Variants in ZNF469 observed in about 807,000 individuals in gnomAD.
ZNF469 encodes zinc finger protein 469.
A neutral mutation model predicts 1.0 loss-of-function variants in ZNF469; 1 was observed. The observed-to-expected ratio is 1.00, with a 90% CI of 0.35 to 4.73. The LOEUF is 4.73. Ranked by LOEUF, ZNF469 falls within the 30% of genes most tolerant of loss-of-function variation. ZNF469 has a pLI of 0.16. For synonymous variants in ZNF469, 2,703 were observed against 2,363.4 expected, an observed-to-expected ratio of 1.14 and a Z score of -4.17; for missense variants, 6,100 against 5,356.3, an observed-to-expected ratio of 1.14 and a Z score of -4.33.
At chr16:88,335,933 C>T in the ZNF469 span, among the ~76,000 whole-genome samples, 7 of 151,834 alleles carry the variant, frequency 4.6e-5, no homozygotes, top group African/African-American at 1.7e-4. Context: ...TCATCCTTCT[C>T]GTGAGACACT....
chr16:88,436,001 C>G lies in ZNF469; in HGVS notation c.8531C>G (p.Ser2844Cys), dbSNP rs1313569827. The change falls in exon 3 of 3, where the codon TCC becomes TGC. Residue 2844 changes from serine to cysteine, a missense_variant. By Grantham distance (112) the Ser-to-Cys change is moderately radical. Transcript: ENST00000565624. Reference sequence around the variant, plus strand: ...GGCCCCACTCCTGATGCCTCTGGCTCCAGTGCCAAGGATCCTCCAAGCTTG... The same window carrying G: ...GGCCCCACTCCTGATGCCTCTGGCTGCAGTGCCAAGGATCCTCCAAGCTTG... ...PEGPTPDASG[S>C]SAKDPPSLFD... The G allele has an allele frequency of 6.5e-7, 1 of 1,550,240 alleles. No homozygotes were observed. The highest frequency in any genetic ancestry group is 2.0e-5 in the Admixed American group (1 of 51,018).
chr16:88,107,735 A>G, the ZNF469 span, among the ~76,000 whole-genome samples: 12 of 152,346 alleles, frequency 7.9e-5, no homozygotes, highest in Admixed American at 2.0e-4. Context: ...GCGGAGGCAG[A>G]GATTACAGGG....
chr16:88,160,065 C>T, the ZNF469 span, among the ~76,000 whole-genome samples: 1 of 152,244 alleles, frequency 6.6e-6, no homozygotes, highest in East Asian at 1.9e-4. Flanking sequence ...GCTGGCTTTT[C>T]TCCTATCCCA....
the ZNF469 span, among the ~76,000 whole-genome samples, chr16:88,319,157 T>C: frequency 2.4e-4 from 36 of 152,226 alleles, no homozygotes; most frequent in African/African-American, 8.7e-4. Context: ...GGATTTGGGG[T>C]TCGGGCTCCT....
chr16:88,322,939 G>A, the ZNF469 span, among the ~76,000 whole-genome samples: 11 of 152,274 alleles, frequency 7.2e-5, no homozygotes, highest in East Asian at 1.7e-3. Context: ...GACAGCTCTC[G>A]GCTCCTCCTG....
intron 1 of ZNF469, among the ~76,000 whole-genome samples, chr16:88,394,764 T>A (rs1006037746): frequency 1.3e-5 from 2 of 152,202 alleles, no homozygotes; most frequent in African/African-American, 2.4e-5. Context: ...GCTCAGGGCC[T>A]CTCAGAGCGT....
the ZNF469 span, among the ~76,000 whole-genome samples, chr16:88,140,521 G>A: frequency 6.7e-6 from 1 of 148,180 alleles, no homozygotes; most frequent in South Asian, 2.1e-4. Context: ...GAACGTGAGA[G>A]ACGCGATGTT....
rs1323924882 is a variant in ZNF469 at position 88,430,758 on chromosome 16, G to C, written c.3288G>C (p.Ser1096=). 11 of 1,508,508 alleles carry C rather than the reference G, an allele frequency of 7.3e-6. No homozygotes were observed. In the South Asian group the frequency reaches 9.9e-5, roughly 14 times the overall value. The allele number at this position is 1,508,508 out of a possible 1,614,324, so 93.4% of individuals were successfully genotyped here. The change falls in exon 3 of 3, where the codon TCG becomes TCC. Residue 1096 remains serine (S), a synonymous_variant. Transcript: ENST00000565624. ...DRRLREYDFA[S]ESEEDEQPPP... is the part of the protein sequence containing the mutation. ...GGCTCCGCGAGTACGACTTCGCCTC[G>C]GAGTCCGAGGAGGACGAGCAGCCTC...
intron 1 of ZNF469, among the ~76,000 whole-genome samples, chr16:88,410,259 C>T (rs1411520206): frequency 6.8e-6 from 1 of 146,528 alleles, no homozygotes; most frequent in Admixed American, 6.6e-5. Context: ...TGGTGCAGGT[C>T]ACACAGTTCA....
chr16:88,112,171 G>A, the ZNF469 span, among the ~76,000 whole-genome samples: 9 of 151,006 alleles, frequency 6.0e-5, no homozygotes, highest in East Asian at 1.2e-3. Context: ...AGGCGCGTTG[G>A]CTAACGCCTG....
chr16:88,187,829 T>C, the ZNF469 span, among the ~76,000 whole-genome samples: 1 of 152,188 alleles, frequency 6.6e-6, no homozygotes, highest in East Asian at 1.9e-4. Context: ...TCTCAACTCT[T>C]AGTTTCCCTG....
the ZNF469 span, among the ~76,000 whole-genome samples, chr16:88,225,128 A>G: frequency 6.6e-6 from 1 of 152,204 alleles, no homozygotes; most frequent in East Asian, 1.9e-4. Context: ...CGACCCTCTC[A>G]GCAGTTTGGA....
chr16:88,160,801 C>T, the ZNF469 span, among the ~76,000 whole-genome samples: 4 of 152,244 alleles, frequency 2.6e-5, no homozygotes, highest in South Asian at 8.3e-4. Flanking sequence ...ATACACTGAG[C>T]CACCCAGCCG....
the ZNF469 span, among the ~76,000 whole-genome samples, chr16:88,122,683 G>C: frequency 6.6e-6 from 1 of 152,186 alleles, no homozygotes; most frequent in African/African-American, 2.4e-5. Flanking sequence ...TTGGTCAGGA[G>C]CTGGAGGATT....
chr16:88,240,551 G>C, the ZNF469 span, among the ~76,000 whole-genome samples: 1 of 152,162 alleles, frequency 6.6e-6, no homozygotes, highest in African/African-American at 2.4e-5. Flanking sequence ...GCAGAACGTG[G>C]GGTCCACAGA....
chr16:88,135,352 G>C, the ZNF469 span, among the ~76,000 whole-genome samples: 3 of 152,262 alleles, frequency 2.0e-5, no homozygotes, highest in South Asian at 2.1e-4. Flanking sequence ...TCACTGAGAA[G>C]TCATCTGTTG....
At chr16:88,102,017 G>C in the ZNF469 span, among the ~76,000 whole-genome samples, 3 of 152,040 alleles carry the variant, frequency 2.0e-5, no homozygotes, top group Non-Finnish European at 4.4e-5. Context: ...AAAAGTGGCT[G>C]AGCTTAGCGA....
the ZNF469 span, among the ~76,000 whole-genome samples, chr16:88,144,498 G>A: frequency 6.6e-6 from 1 of 152,194 alleles, no homozygotes; most frequent in South Asian, 2.1e-4. Flanking sequence ...CCCGTGACAC[G>A]TGACATTTAA....
In ZNF469 at chr16:88,434,884, G is replaced by A; in HGVS notation, c.7414G>A (p.Val2472Met). 6.5e-7 allele frequency: 1 copy of A among 1,550,364 alleles called. No homozygotes were observed. Among genetic ancestry groups the A allele is most frequent in the Non-Finnish European group, 8.7e-7 (1 of 1,146,992 alleles). The change falls in exon 3 of 3, where the codon GTG becomes ATG. Residue 2472 changes from valine (V) to methionine (M), a missense_variant. Transcript: ENST00000565624. ...QWKGQAPHGP[V>M]TCEVCAASFR... The stretch of plus-strand genomic sequence containing the variant: ...GAAGGGCCAAGCTCCACATGGGCCT[G>A]TGACCTGTGAGGTCTGCGCAGCCTC...
Sources: allele counts gnomAD v4.1 joint callset (sites outside exome capture counted in the v4.1 genomes callset), GRCh38; gene constraint gnomAD v4.1.1; transcripts MANE v1.5; gene names NCBI Gene and HGNC (gene_info 2026-07-23, HGNC 2026-07-21).